ERBB4: variants seen among roughly 807,000 people sequenced by gnomAD.
ERBB4 encodes the protein receptor tyrosine-protein kinase erbB-4.
A neutral mutation model predicts 158.0 loss-of-function variants in ERBB4; 42 were observed. The observed-to-expected ratio is 0.27, with a 90% CI of 0.21 to 0.34. The LOEUF (loss-of-function observed/expected upper bound fraction) is 0.34, where lower values mean the gene tolerates loss of function less well. Ranked by LOEUF, ERBB4 falls within the 10% of genes least tolerant of loss-of-function variation. The probability of loss-of-function intolerance (pLI) is 1.00; values close to 1 mark genes in which losing one functional copy is unlikely to be tolerated. For missense variants in ERBB4, 1,333 were observed against 1,624.1 expected (o/e 0.82, Z 3.08); for synonymous variants, 583 against 558.7 (o/e 1.04, Z -0.61).
intron 2 of ERBB4, among the ~76,000 whole-genome samples, chr2:212,051,046 C>G (rs756262628): frequency 5.9e-5 from 9 of 152,166 alleles, no homozygotes; most frequent in Non-Finnish European, 1.3e-4. Flanking sequence ...AACAAAGGCA[C>G]TGCCATGAAA....
intron 4 of ERBB4, among the ~76,000 whole-genome samples, chr2:211,760,760 A>G (rs1232517776): frequency 6.6e-6 from 1 of 152,254 alleles, no homozygotes; most frequent in Non-Finnish European, 1.5e-5. Flanking sequence ...TCTATACAGC[A>G]TGATCAACAT....
intron 19 of ERBB4, among the ~76,000 whole-genome samples, chr2:211,614,530 C>A (rs938165886): frequency 1.3e-5 from 2 of 151,896 alleles, no homozygotes; most frequent in Non-Finnish European, 2.9e-5. Flanking sequence ...TCATGTACCC[C>A]ATAAATATAT....
intron 1 of ERBB4, among the ~76,000 whole-genome samples, chr2:212,277,397 A>G (rs2085580464): frequency 6.6e-6 from 1 of 151,486 alleles, no homozygotes; most frequent in East Asian, 2.0e-4. Context: ...TTGCAACCAC[A>G]ACGGATTCTA....
intron 25 of ERBB4, among the ~76,000 whole-genome samples, chr2:211,414,838 C>T (rs2063347117): frequency 6.6e-6 from 1 of 152,008 alleles, no homozygotes; most frequent in African/African-American, 2.4e-5. Context: ...TTTTTCTTAT[C>T]ATTTGTAAGT....
chr2:212,165,223 G>C (rs1328890725), intron 1 of ERBB4, among the ~76,000 whole-genome samples: 2 of 151,900 alleles, frequency 1.3e-5, no homozygotes, highest in Non-Finnish European at 2.9e-5. Context: ...CAAGTTGCGA[G>C]TGGGATTCTT....
At chr2:212,094,576 A>T (rs1851261) in intron 2 of ERBB4, among the ~76,000 whole-genome samples, 78,173 of 150,344 alleles carry the variant, frequency 0.52, 23,474 homozygotes, top group East Asian at 0.92. Context: ...TAAAAAAATA[A>T]AAAAAAAAAG....
At chr2:212,260,060 C>CTTTTTTTTT (rs2084880237) in intron 1 of ERBB4, among the ~76,000 whole-genome samples, 1 of 140,992 alleles carries the variant, frequency 7.1e-6, no homozygotes. Flanking sequence ...CAGAGCGAGA[C>CTTTTTTTTT]TCTGTCTCAG....
At chr2:212,423,208 T>C (rs951450227) in intron 1 of ERBB4, among the ~76,000 whole-genome samples, 2 of 152,036 alleles carry the variant, frequency 1.3e-5, no homozygotes, top group African/African-American at 4.8e-5. Context: ...AAATTCAGAA[T>C]GATCAGCATA....
chr2:211,437,159 T>C (rs2063872533), intron 20 of ERBB4, among the ~76,000 whole-genome samples: 1 of 151,984 alleles, frequency 6.6e-6, no homozygotes, highest in African/African-American at 2.4e-5. Flanking sequence ...TTACCTGAAC[T>C]ATTCATAATC....
At chr2:211,967,985 T>G (rs1237241511) in intron 2 of ERBB4, among the ~76,000 whole-genome samples, 1 of 152,016 alleles carries the variant, frequency 6.6e-6, no homozygotes, top group Non-Finnish European at 1.5e-5. Context: ...CAAACAATTT[T>G]TATTGAAACT....
rs1478001069 is a variant in ERBB4 at position 212,165,545 on chromosome 2, T to TA, written c.83-40643dup. 2.0e-5 allele frequency among the ~76,000 whole-genome samples: 3 copies of TA among 152,036 alleles called. No homozygotes were observed. In the East Asian group the frequency reaches 5.8e-4, roughly 29 times the overall value. Reference sequence around the variant, plus strand: ...GATAGAAGAAGTGGGCTGTTCATAATAGCTTCTAAGAAAGCTTTTTTCTTT... The same window carrying TA: ...GATAGAAGAAGTGGGCTGTTCATAATAAGCTTCTAAGAAAGCTTTTTTCTTT... On this transcript the variant is annotated intron_variant, in intron 1 of 27. Coordinates refer to ENST00000342788, the MANE Select transcript of ERBB4 (RefSeq NM_005235.3).
intron 3 of ERBB4, among the ~76,000 whole-genome samples, chr2:211,874,356 C>T (rs2078438277): frequency 6.6e-6 from 1 of 152,080 alleles, no homozygotes; most frequent in East Asian, 1.9e-4. Flanking sequence ...TTGCATCTAA[C>T]TTTGTTCTTG....
At chr2:211,862,602 T>TA (rs34430787) in intron 3 of ERBB4, among the ~76,000 whole-genome samples, 32,336 of 152,014 alleles carry the variant, frequency 0.21, 3,603 homozygotes, top group South Asian at 0.33. Flanking sequence ...TTTTGTGAAA[T>TA]AAAAAAGGAA....
At chr2:211,760,294 A>G (rs2075377521) in intron 4 of ERBB4, among the ~76,000 whole-genome samples, 1 of 152,220 alleles carries the variant, frequency 6.6e-6, no homozygotes, top group Non-Finnish European at 1.5e-5. Flanking sequence ...TTGACGTCCT[A>G]GCTCCAGGAG....
chr2:211,885,941 T>C (rs904759213), intron 3 of ERBB4, among the ~76,000 whole-genome samples: 6 of 152,204 alleles, frequency 3.9e-5, no homozygotes, highest in African/African-American at 1.4e-4. Context: ...TATATGCTAG[T>C]TGAAAGAATC....
rs149574837 is a variant in ERBB4, at chr2:212,151,624, C to T, written c.83-26721G>A. Among the ~76,000 whole-genome samples the T allele has an allele frequency of 9.7e-3, 1,474 of 152,110 alleles. 17 individuals are homozygous for T. Among genetic ancestry groups the T allele is most frequent in the African/African-American group, 0.034 (1,396 of 41,502 alleles). ...TGGTCCATGGCTGGGCATGGTGGCT[C>T]GCGCCTGTAATCCCAGCACTTTGGG... On this transcript the variant is annotated intron_variant, in intron 1 of 27. Transcript: ENST00000342788.
intron 1 of ERBB4, among the ~76,000 whole-genome samples, chr2:212,444,640 C>T (rs774861074): frequency 3.9e-5 from 6 of 152,170 alleles, no homozygotes; most frequent in African/African-American, 1.4e-4. Flanking sequence ...CAGCCACCTC[C>T]GTCATTGCCC....
At chr2:211,556,275 T>TA (rs2067235792) in intron 20 of ERBB4, among the ~76,000 whole-genome samples, 1 of 152,220 alleles carries the variant, frequency 6.6e-6, no homozygotes, top group Non-Finnish European at 1.5e-5. Flanking sequence ...CAGGAGCACT[T>TA]AGATTCATAA....
intron 1 of ERBB4, among the ~76,000 whole-genome samples, chr2:212,345,127 G>A (rs867482783): frequency 1.3e-5 from 2 of 151,654 alleles, no homozygotes; most frequent in African/African-American, 2.4e-5. Flanking sequence ...TTAGCTGGGC[G>A]TGATGGCGGG....
Sources: gnomAD v4.1 joint callset for allele counts (sites outside exome capture counted in the v4.1 genomes callset) on GRCh38, gnomAD v4.1.1 for gene constraint, MANE v1.5 for transcripts, NCBI Gene and HGNC (gene_info 2026-07-23, HGNC 2026-07-21) for gene names.